ADIPOR1: variants seen among roughly 807,000 people sequenced by gnomAD.
The protein encoded by ADIPOR1 is adiponectin receptor protein 1.
ADIPOR1 carries 15 observed loss-of-function variants against 37.5 expected under a neutral mutation model. The observed-to-expected ratio is 0.40, with a 90% CI of 0.27 to 0.62. The LOEUF (loss-of-function observed/expected upper bound fraction) is 0.62. Ranked by LOEUF, ADIPOR1 falls within the 20% of genes least tolerant of loss-of-function variation. The pLI, the probability that ADIPOR1 is intolerant of heterozygous loss-of-function variation, is 0.42. For synonymous variants in ADIPOR1, 173 were observed against 173.2 expected (o/e 1.00, Z 0.01); for missense variants, 286 against 478.0 (o/e 0.60, Z 3.75).
Position 202,941,634 on chromosome 1 carries a change from G to C in ADIPOR1, c.1067C>G (p.Ser356Cys). The change falls in exon 8 of 8, where the codon TCC becomes TGC. Residue 356 changes from serine (S) to cysteine (C), a missense_variant. Coordinates refer to ENST00000340990, the MANE Select transcript of ADIPOR1 (RefSeq NM_015999.6). ...AAAFVHFYGVSNLQEFRYGLE... is the reference protein window; with the variant it reads ...AAAFVHFYGVCNLQEFRYGLE... ...GCCGTAACGGAATTCCTGAAGGTTG[G>C]AGACTCCATAGAAGTGGACAAAGGC... 1 of 1,614,176 alleles carries C rather than the reference G, an allele frequency of 6.2e-7. No homozygotes were observed. The highest frequency in any genetic ancestry group is 8.5e-7 in the Non-Finnish European group (1 of 1,180,022).
chr1:202,941,918 C>A (rs1654105862), intron 7 of ADIPOR1, 107 bp downstream of exon 7: 1 of 1,269,100 alleles, frequency 7.9e-7, no homozygotes, highest in Middle Eastern at 2.4e-4. Flanking sequence ...CATATATGTA[C>A]CTCCAAACAC....
rs1571567676 is a variant in ADIPOR1, at chr1:202,951,039, T to C, written c.32A>G (p.Gln11Arg). 6.2e-7 allele frequency: 1 copy of C among 1,614,166 alleles called. No individual in the cohort carries two copies. The highest frequency in any genetic ancestry group is 2.2e-5 in the East Asian group (1 of 44,876). ...GTTACTGGCAGGAGCCCCATTCCCC[T>C]GTGCCACCACAGATCCTTTGTGGGA... is the stretch of plus-strand genomic sequence containing the variant. Reference protein sequence around the residue: MSSHKGSVVAQGNGAPASNRE... With the variant: MSSHKGSVVARGNGAPASNRE... The change falls in exon 2 of 8, where the codon CAG becomes CGG. Residue 11 changes from glutamine to arginine, a missense_variant. Physicochemically the swap from Gln to Arg is conservative, Grantham distance 43. Coordinates refer to ENST00000340990, the MANE Select transcript of ADIPOR1 (RefSeq NM_015999.6).
chr1:202,943,784 G>C lies in ADIPOR1; in HGVS notation c.779C>G (p.Thr260Ser), dbSNP rs1654195181. The stretch of plus-strand genomic sequence containing the variant: ...TGCTCTTGTCTGCCGGTGCTTAGGA[G>C]TGGCAAACCGGTCCCACTGCGCCAC... ...IIVAQWDRFA[T>S]PKHRQTRAGV... Residue 260 changes from threonine (T) to serine (S), a missense_variant, in exon 6 of 8, where the codon ACT becomes AGT. Coordinates refer to ENST00000340990, the MANE Select transcript of ADIPOR1 (RefSeq NM_015999.6). The C allele has an allele frequency of 2.5e-6, 4 of 1,613,694 alleles. No homozygotes were observed. In the East Asian group the frequency reaches 8.9e-5, roughly 36 times the overall value.
At chr1:202,957,883 C>G (rs1654845309) in intron 1 of ADIPOR1, among the ~76,000 whole-genome samples, 1 of 152,216 alleles carries the variant, frequency 6.6e-6, no homozygotes, top group African/African-American at 2.4e-5. Flanking sequence ...ATCTCCACCC[C>G]GTGGGGCTAA....
chr1:202,943,947 T>TA lies in ADIPOR1; in HGVS notation c.618-3dup. On this transcript the variant is annotated splice_polypyrimidine_tract_variant and splice_region_variant and intron_variant, in intron 5 of 7. Coordinates refer to ENST00000340990, the MANE Select transcript of ADIPOR1 (RefSeq NM_015999.6). ...AGAGCAATCCCTGAATAGTCCAGTC[T>TA]AAAAAGAACCACAAAAATGAAACAA... The TA allele has an allele frequency of 1.2e-6, 2 of 1,607,070 alleles. No individual in the cohort carries two copies. Among genetic ancestry groups the TA allele is most frequent in the Non-Finnish European group, 1.7e-6 (2 of 1,175,696 alleles).
intron 7 of ADIPOR1, 74 bp downstream of exon 7, chr1:202,941,951 A>C (rs904333803): frequency 2.4e-5 from 36 of 1,470,130 alleles, no homozygotes; most frequent in Non-Finnish European, 3.2e-5. Context: ...GTCTCATACC[A>C]CCTTTTCCTC....
chr1:202,948,956 A>G (rs1255489075), intron 2 of ADIPOR1, among the ~76,000 whole-genome samples: 2 of 151,384 alleles, frequency 1.3e-5, no homozygotes, highest in Admixed American at 6.6e-5. Context: ...ATGCCTGACT[A>G]ATTTTTGTAT....
chr1:202,948,511 A>C, intron 2 of ADIPOR1, 91 bp from the exon 3 acceptor site: 19 of 1,030,086 alleles, frequency 1.8e-5, no homozygotes, highest in Non-Finnish European at 2.3e-5. Context: ...CCCAAACCTA[A>C]TGCCTTCTGC....
chr1:202,957,939 G>A (rs1654848129), intron 1 of ADIPOR1, among the ~76,000 whole-genome samples: 1 of 152,164 alleles, frequency 6.6e-6, no homozygotes, highest in African/African-American at 2.4e-5. Flanking sequence ...GACAGCCGGG[G>A]ACGAGCGCCC....
intron 3 of ADIPOR1, 62 bp from the exon 4 acceptor site, chr1:202,946,672 G>C: frequency 3.9e-6 from 6 of 1,553,554 alleles, no homozygotes; most frequent in Non-Finnish European, 5.3e-6. Context: ...AGGACAAGCA[G>C]TGATGGAGAA....
chr1:202,946,295 A>AC (rs1286629729), intron 4 of ADIPOR1, 144 bp downstream of exon 4: 1 of 972,086 alleles, frequency 1.0e-6, no homozygotes, highest in African/African-American at 1.6e-5. Context: ...TCAAGGGTCA[A>AC]CCAAGGTTAT....
At chr1:202,952,806 T>C (rs937324349) in intron 1 of ADIPOR1, among the ~76,000 whole-genome samples, 2 of 152,232 alleles carry the variant, frequency 1.3e-5, no homozygotes, top group Admixed American at 6.5e-5. Flanking sequence ...TCCATATGTA[T>C]GTATCCTATT....
Position 202,943,735 on chromosome 1 carries a change from T to A in ADIPOR1, c.805+23A>T, listed in dbSNP as rs1409226125. On this transcript the variant is annotated intron_variant, in intron 6 of 7. Coordinates refer to ENST00000340990, the MANE Select transcript of ADIPOR1 (RefSeq NM_015999.6). The stretch of plus-strand genomic sequence containing the variant: ...GCCTAAGGTCTAAATACCTCTGAGG[T>A]GTACGTACATCTTCCGACCTACCTG... The A allele has an allele frequency of 2.5e-6, 4 of 1,610,156 alleles. No homozygotes were observed. The African/African-American group carries it at 5.3e-5, about 22-fold the overall frequency.
rs1654216434 is a variant in ADIPOR1, at chr1:202,944,232, A to C, written c.618-287T>G. 7 of 263,474 alleles carry C rather than the reference A, an allele frequency of 2.7e-5. 1 individual carries two copies. In the East Asian group the frequency reaches 4.8e-4, roughly 18 times the overall value. 16.3% of individuals were successfully genotyped at this position (263,474 alleles called of 1,614,324 possible). A position where few individuals can be genotyped will look rare whatever the true frequency, so the allele number is the denominator to read the frequency against. The stretch of plus-strand genomic sequence containing the variant: ...TCCCATAGTAGACACTTGAATTTAG[A>C]AATTCCATCACAATCCAGCTGGTTC... On this transcript the variant is annotated intron_variant, in intron 5 of 7. Transcript: ENST00000340990.
chr1:202,945,106 G>A lies in ADIPOR1; in HGVS notation c.494C>T (p.Ala165Val), dbSNP rs775116917. 6.2e-7 allele frequency: 1 copy of A among 1,614,070 alleles called. No individual in the cohort carries two copies. Among genetic ancestry groups the A allele is most frequent in the Non-Finnish European group, 8.5e-7 (1 of 1,179,984 alleles). ...TMLRPNMYFM[A>V]PLQEKVVFGM... is the part of the protein sequence containing the mutation. ...AAAAACCACCTTCTCCTGTAGAGGG[G>A]CCATGAAGTACATATTTGGTCTGAG... The change falls in exon 5 of 8, where the codon GCC (alanine) becomes GTC (valine). Residue 165 changes from alanine (A) to valine (V), a missense_variant. Coordinates refer to ENST00000340990, the MANE Select transcript of ADIPOR1 (RefSeq NM_015999.6).
chr1:202,949,900 G>A (rs1362603263), intron 2 of ADIPOR1, among the ~76,000 whole-genome samples: 3 of 152,172 alleles, frequency 2.0e-5, no homozygotes, highest in Non-Finnish European at 4.4e-5. Context: ...CACTGCAGCT[G>A]AATATAGTTA....
At chr1:202,946,333 G>A (rs1654316482) in intron 4 of ADIPOR1, 106 bp downstream of exon 4, 1 of 1,370,212 alleles carries the variant, frequency 7.3e-7, no homozygotes, top group Non-Finnish European at 1.0e-6. Flanking sequence ...TAGTTTAAAG[G>A]TAGAATCCCA....
chr1:202,944,872 A>G lies in ADIPOR1; in HGVS notation c.617+111T>C, dbSNP rs1654243886. ...CAGAACAGAGAGCCTTTCCTCTGGC[A>G]TATCAAGAAACCTTTAGGAGTGATA... On this transcript the variant is annotated intron_variant, in intron 5 of 7. Transcript: ENST00000340990. 6 of 1,066,656 alleles carry G rather than the reference A, an allele frequency of 5.6e-6. No homozygotes were observed. The South Asian group carries it at 7.9e-5, about 14-fold the overall frequency. 66.1% of individuals were successfully genotyped at this position (1,066,656 alleles called of 1,614,324 possible). A position where few individuals can be genotyped will look rare whatever the true frequency, so the allele number is the denominator to read the frequency against.
At chr1:202,947,988 CATCA>C (rs1465468706) in intron 3 of ADIPOR1, among the ~76,000 whole-genome samples, 2 of 152,118 alleles carry the variant, frequency 1.3e-5, no homozygotes, top group Non-Finnish European at 2.9e-5. Context: ...CATTAGTGCT[CATCA>C]TTCATGTATA....
Sources: gnomAD v4.1 joint callset for allele counts (sites outside exome capture counted in the v4.1 genomes callset) on GRCh38, gnomAD v4.1.1 for gene constraint, MANE v1.5 for transcripts, NCBI Gene and HGNC (gene_info 2026-07-23, HGNC 2026-07-21) for gene names.